The following BCL7C variants were observed in gnomAD, a reference collection of about 807,000 sequenced individuals.
BCL7C encodes B-cell CLL/lymphoma 7 protein family member C.
Under a neutral mutation model 26.2 loss-of-function variants are expected in BCL7C, and 8 were observed. The ratio of observed to expected loss-of-function variants is 0.30; its 90% CI spans 0.18 to 0.55. The LOEUF (loss-of-function observed/expected upper bound fraction) is 0.55. Ranked by LOEUF, BCL7C falls within the 20% of genes least tolerant of loss-of-function variation. The pLI is 0.93. For synonymous variants in BCL7C, 90 were observed against 116.5 expected (o/e 0.77, Z 1.47); for missense variants, 262 against 298.5 (o/e 0.88, Z 0.90).
chr16:30,833,964 T>C (rs1221666328), exon 6 of BCL7C: 2 of 152,274 alleles, frequency 1.3e-5, no homozygotes, highest in African/African-American at 2.4e-5. Flanking sequence ...TTTCTCCATC[T>C]GCAAAATGCA....
intron 5 of BCL7C, among the ~76,000 whole-genome samples, chr16:30,857,869 G>A (rs1374602055): frequency 2.0e-5 from 3 of 151,808 alleles, no homozygotes; most frequent in Non-Finnish European, 4.4e-5. Flanking sequence ...TACTCGGGAG[G>A]CTGAGGCAGG....
chr16:30,886,739 G>A (rs2055138555), downstream of BCL7C, among the ~76,000 whole-genome samples: 3 of 152,194 alleles, frequency 2.0e-5, no homozygotes, highest in African/African-American at 7.2e-5. Flanking sequence ...GGAGGAGATG[G>A]TGATTGAGAT....
chr16:30,848,524 T>C (rs1017610052), intron 5 of BCL7C, among the ~76,000 whole-genome samples: 2 of 152,154 alleles, frequency 1.3e-5, no homozygotes, highest in African/African-American at 4.8e-5. Context: ...AGGAACAAAG[T>C]AGATGGGCAG....
rs776443654 is a variant in BCL7C at position 30,888,936 on chromosome 16, C to G, written c.452G>C (p.Gly151Ala). 1.9e-6 allele frequency: 3 copies of G among 1,613,752 alleles called. No individual in the cohort carries two copies. The highest frequency in any genetic ancestry group is 2.5e-6 in the Non-Finnish European group (3 of 1,179,726). Reference sequence around the variant, plus strand: ...TTCGTCGGTGCTGCCAGCAGTTATGCCCCCGGGATCTGGAACGTCAAGGTA... The same window carrying G: ...TTCGTCGGTGCTGCCAGCAGTTATGGCCCCGGGATCTGGAACGTCAAGGTA... Reference protein sequence around the residue: ...PRLGQERDPGGITAGSTDEPP... With the variant: ...PRLGQERDPGAITAGSTDEPP... The change falls in exon 5 of 6, where the codon GGC becomes GCC. Residue 151 changes from glycine (G) to alanine (A), a missense_variant. By Grantham distance (60) the Gly-to-Ala change is moderately conservative (BLOSUM62 0). Transcript: ENST00000215115.
At chr16:30,839,727 G>A (rs924359549) in intron 5 of BCL7C, among the ~76,000 whole-genome samples, 1 of 152,226 alleles carries the variant, frequency 6.6e-6, no homozygotes, top group Non-Finnish European at 1.5e-5. Flanking sequence ...AAAGCATCTG[G>A]ATAAGAGCCC....
chr16:30,867,724 C>T (rs1567315053), intron 5 of BCL7C, among the ~76,000 whole-genome samples: 1 of 152,014 alleles, frequency 6.6e-6, no homozygotes, highest in Non-Finnish European at 1.5e-5. Context: ...ACCCGGGAGG[C>T]GGAGGTTACA....
chr16:30,840,014 T>G (rs1486637979), intron 5 of BCL7C, among the ~76,000 whole-genome samples: 1 of 152,050 alleles, frequency 6.6e-6, no homozygotes, highest in Non-Finnish European at 1.5e-5. Context: ...CTCCTGATGT[T>G]TACTTTTATG....
chr16:30,852,585 G>A (rs533516407), intron 5 of BCL7C, among the ~76,000 whole-genome samples: 6 of 149,504 alleles, frequency 4.0e-5, no homozygotes, highest in South Asian at 2.1e-4. Context: ...TCTGCCTCCC[G>A]GGTTCAAGTG....
chr16:30,887,999 G>A lies in BCL7C; in HGVS notation c.529-9C>T. 1 of 1,602,874 alleles carries A rather than the reference G, an allele frequency of 6.2e-7. No individual in the cohort carries two copies. Among genetic ancestry groups the A allele is most frequent in the Non-Finnish European group, 8.5e-7 (1 of 1,175,358 alleles). ...GGGTAAGCTTCGGGGGCCTGGAGAG[G>A]AAGGGTGGACAGGCGTGAGCTCCAC... On this transcript the variant is annotated splice_polypyrimidine_tract_variant and intron_variant, in intron 5 of 5. Transcript: ENST00000215115.
At chr16:30,864,712 G>A (rs554467473) in intron 5 of BCL7C, among the ~76,000 whole-genome samples, 9 of 152,212 alleles carry the variant, frequency 5.9e-5, no homozygotes, top group African/African-American at 2.2e-4. Flanking sequence ...CCTGTGACCT[G>A]CACGTATACA....
At chr16:30,889,787 C>G (rs1314901638) in intron 4 of BCL7C, among the ~76,000 whole-genome samples, 1 of 151,904 alleles carries the variant, frequency 6.6e-6, no homozygotes, top group Non-Finnish European at 1.5e-5. Context: ...AATAACAACA[C>G]TAATTAGCTG....
intron 5 of BCL7C, among the ~76,000 whole-genome samples, chr16:30,846,232 ATTTATTTT>A (rs1022279154): frequency 2.8e-5 from 4 of 144,336 alleles, no homozygotes; most frequent in African/African-American, 7.7e-5. Flanking sequence ...TTATTTATTT[ATTTATTTT>A]TTGGAGATGG....
At chr16:30,883,536 C>CT (rs71149065), downstream of BCL7C, among the ~76,000 whole-genome samples, 368 of 45,464 alleles carry the variant, frequency 8.1e-3, 46 homozygotes, top group Non-Finnish European at 0.01. Flanking sequence ...GCCAAACTGG[C>CT]TTTTTTTTTT....
intron 5 of BCL7C, among the ~76,000 whole-genome samples, chr16:30,852,560 C>T (rs1011596417): frequency 1.4e-5 from 2 of 146,674 alleles, no homozygotes; most frequent in African/African-American, 5.1e-5. Flanking sequence ...ATTGTGATCT[C>T]GGCTCACGGC....
At chr16:30,856,694 T>A (rs919591085) in intron 5 of BCL7C, among the ~76,000 whole-genome samples, 2 of 152,156 alleles carry the variant, frequency 1.3e-5, no homozygotes, top group African/African-American at 4.8e-5. Flanking sequence ...GACTCCCAGC[T>A]TTTCCGAGGG....
intron 5 of BCL7C, among the ~76,000 whole-genome samples, chr16:30,852,494 T>C (rs1409360964): frequency 2.0e-5 from 3 of 150,376 alleles, no homozygotes; most frequent in Non-Finnish European, 4.4e-5. Flanking sequence ...TATAACTTTT[T>C]TTTTTTTTTT....
intron 5 of BCL7C, among the ~76,000 whole-genome samples, chr16:30,870,978 G>A (rs147611268): frequency 5.9e-5 from 9 of 152,304 alleles, no homozygotes; most frequent in Non-Finnish European, 1.3e-4. Flanking sequence ...GGGAAGTAGC[G>A]AGGACCAGAT....
At chr16:30,850,933 T>A (rs957822554) in intron 5 of BCL7C, among the ~76,000 whole-genome samples, 1 of 152,256 alleles carries the variant, frequency 6.6e-6, no homozygotes. Flanking sequence ...CAACTTTTGG[T>A]GCAAATGTAA....
chr16:30,887,102 A>G (rs1421969777), downstream of BCL7C, among the ~76,000 whole-genome samples: 1 of 152,172 alleles, frequency 6.6e-6, no homozygotes, highest in South Asian at 2.1e-4. Flanking sequence ...TGTGGTCAGG[A>G]GTTTGAGACC....
Sources: allele counts gnomAD v4.1 joint callset (sites outside exome capture counted in the v4.1 genomes callset), GRCh38; gene constraint gnomAD v4.1.1; transcripts MANE v1.5; gene names NCBI Gene and HGNC (gene_info 2026-07-23, HGNC 2026-07-21).